NUP85: variants seen among roughly 807,000 people sequenced by gnomAD.
NUP85 encodes the protein nucleoporin 85, also known as nuclear pore complex protein Nup85.
A neutral mutation model predicts 92.8 loss-of-function variants in NUP85; 23 were observed. The observed-to-expected ratio is 0.25, with a 90% CI of 0.18 to 0.35. The LOEUF (loss-of-function observed/expected upper bound fraction) is 0.35. Ranked by LOEUF, NUP85 falls within the 10% of genes least tolerant of loss-of-function variation. The pLI, the probability that NUP85 is intolerant of heterozygous loss-of-function variation, is 1.00. For missense variants in NUP85, 759 were observed against 822.8 expected (o/e 0.92, Z 0.95); for synonymous variants, 314 against 306.9 (o/e 1.02, Z -0.24).
At chr17:75,220,981 A>T in intron 7 of NUP85, among the ~76,000 whole-genome samples, 1 of 143,030 alleles carries the variant, frequency 7.0e-6, no homozygotes. Flanking sequence ...TCCCGGGTTC[A>T]TGCCATTCTC....
In NUP85 at chr17:75,235,758, A is replaced by G. The variant is rs2076309520; in HGVS notation, c.*79A>G. The G allele has an allele frequency of 8.5e-6, 9 of 1,053,766 alleles. No homozygotes were observed. Among genetic ancestry groups the G allele is most frequent in the South Asian group, 6.9e-5 (5 of 72,090 alleles). The allele number at this position is 1,053,766 out of a possible 1,614,324, so 65.3% of individuals were successfully genotyped here. A position where few individuals can be genotyped will look rare whatever the true frequency, so the allele number is the denominator to read the frequency against. On this transcript the variant is annotated 3_prime_UTR_variant, in exon 19 of 19. Transcript: ENST00000245544. ...AGAATAAATGTTGTTTTGCAAATGT[A>G]GGTTCTTAGAGTCCACCCAGGGAAT...
At chr17:75,219,173 G>A (rs61133746) in intron 7 of NUP85, among the ~76,000 whole-genome samples, 19,546 of 151,786 alleles carry the variant, frequency 0.13, 1,489 homozygotes, top group Middle Eastern at 0.23. Context: ...CAGATTGTGA[G>A]GACAAAAAAA....
At chr17:75,234,865 T>A in intron 17 of NUP85, 77 bp downstream of exon 17, 4 of 1,555,386 alleles carry the variant, frequency 2.6e-6, no homozygotes, top group Non-Finnish European at 3.5e-6. Flanking sequence ...GTTGCCGATG[T>A]GCGTGTTTCC....
At chr17:75,210,787 T>C (rs1269680754) in intron 3 of NUP85, among the ~76,000 whole-genome samples, 2 of 152,072 alleles carry the variant, frequency 1.3e-5, no homozygotes, top group African/African-American at 2.4e-5. Flanking sequence ...CTGTAAGCTC[T>C]GCCTCCTGGA....
intron 5 of NUP85, among the ~76,000 whole-genome samples, chr17:75,214,829 CCTGA>C (rs1245826188): frequency 2.0e-5 from 3 of 147,928 alleles, no homozygotes; most frequent in Non-Finnish European, 3.0e-5. Flanking sequence ...TGCACTCCAG[CCTGA>C]CTGACAGAGT....
chr17:75,228,108 CAGTG>C (rs758491973), intron 11 of NUP85: 139 of 750,524 alleles, frequency 1.9e-4, no homozygotes, highest in Non-Finnish European at 2.1e-4. Context: ...TGTGTTATAA[CAGTG>C]AGTGAGTTTC....
rs1598261314 is a variant in NUP85 at position 75,208,634 on chromosome 17, T to C, written c.127+14T>C. Reference sequence around the variant, plus strand: ...TCAACAAAAAAGGTAGGGTTTTTTTTCTTCCAAATTATCCATCTTGGCACA... The same window carrying C: ...TCAACAAAAAAGGTAGGGTTTTTTTCCTTCCAAATTATCCATCTTGGCACA... On this transcript the variant is annotated intron_variant, in intron 2 of 18. Transcript: ENST00000245544. The C allele has an allele frequency of 6.9e-7, 1 of 1,441,436 alleles. No homozygotes were observed. 89.3% of individuals were successfully genotyped at this position (1,441,436 alleles called of 1,614,324 possible). A position where few individuals can be genotyped will look rare whatever the true frequency, so the allele number is the denominator to read the frequency against.
At position 75,226,080 on chromosome 17, in the gene NUP85, G is replaced by A; in HGVS notation, c.1017G>A (p.Glu339=). 6.2e-7 allele frequency: 1 copy of A among 1,614,118 alleles called. No homozygotes were observed. ...QSSLDLFLGG[E]SSPEPLDNIL... ...GCCTGGACCTGTTTCTGGGAGGTGA[G>A]AGCAGCCCAGAACCCCTGGACAACA... is the stretch of plus-strand genomic sequence containing the variant. The change falls in exon 11 of 19, where the codon GAG becomes GAA. Residue 339 remains glutamate (E), a synonymous_variant. Transcript: ENST00000245544.
In NUP85 at chr17:75,218,297, C is replaced by T; in HGVS notation, c.588C>T (p.Phe196=). The T allele has an allele frequency of 6.2e-7, 1 of 1,613,506 alleles. No individual in the cohort carries two copies. The highest frequency in any genetic ancestry group is 1.1e-5 in the South Asian group (1 of 91,068). ...AGAATCCAAGCAAACATGACAGCTT[C>T]TGGAACTTGGTAAGACAGGCCGGGC... ...GSENPSKHDS[F]WNLVTILVLQ... is the part of the protein sequence containing the mutation. The change falls in exon 7 of 19, where the codon TTC becomes TTT. Residue 196 remains phenylalanine (F), a synonymous_variant. Coordinates refer to ENST00000245544, the MANE Select transcript of NUP85 (RefSeq NM_024844.5).
intron 1 of NUP85, among the ~76,000 whole-genome samples, chr17:75,206,334 C>T (rs535503995): frequency 2.6e-5 from 4 of 152,222 alleles, no homozygotes; most frequent in African/African-American, 4.8e-5. Context: ...GAGATACCTA[C>T]CGTTTCTGCT....
chr17:75,206,913 T>C (rs1459274333), intron 1 of NUP85, among the ~76,000 whole-genome samples: 1 of 152,084 alleles, frequency 6.6e-6, no homozygotes, highest in East Asian at 1.9e-4. Flanking sequence ...TTCACCGTGT[T>C]GGCCAGGATG....
chr17:75,218,699 G>A (rs1413282005), intron 7 of NUP85, among the ~76,000 whole-genome samples: 1 of 141,806 alleles, frequency 7.1e-6, no homozygotes, highest in African/African-American at 2.6e-5. Flanking sequence ...GAGCCCAGGA[G>A]TTTGAGATTA....
At chr17:75,210,102 G>T in intron 3 of NUP85, 117 bp downstream of exon 3, 1 of 1,006,912 alleles carries the variant, frequency 9.9e-7, no homozygotes, top group South Asian at 1.6e-5. Flanking sequence ...GAGACTCCTG[G>T]TTCTAGTTGA....
intron 16 of NUP85, among the ~76,000 whole-genome samples, chr17:75,233,668 G>A (rs1022894411): frequency 6.6e-5 from 10 of 151,632 alleles, no homozygotes; most frequent in East Asian, 1.9e-4. Flanking sequence ...GCGTGATCTC[G>A]GCTCACTGCA....
In NUP85 at chr17:75,235,580, T is replaced by C. The variant is rs749029897; in HGVS notation, c.1872T>C (p.Asp624=). The change falls in exon 19 of 19, where the codon GAT becomes GAC. Residue 624 remains aspartate (D), a splice_region_variant and synonymous_variant. Transcript: ENST00000245544. The stretch of plus-strand genomic sequence containing the variant: ...TGCTGGCGCTCTCTGCTTTGCAGGA[T>C]GATGACATAGAGACCACCAAGGTGG... ...HGESDTEQLQ[D]DDIETTKVEM... is the part of the protein sequence containing the mutation. The C allele has an allele frequency of 6.2e-7, 1 of 1,612,470 alleles. No homozygotes were observed.
Position 75,232,945 on chromosome 17 carries a change from C to G in NUP85, c.1491C>G (p.Ala497=), listed in dbSNP as rs1351438496. Residue 497 remains alanine (A), a synonymous_variant, in exon 15 of 19, where the codon GCC becomes GCG. Coordinates refer to ENST00000245544, the MANE Select transcript of NUP85 (RefSeq NM_024844.5). Reference sequence around the variant, plus strand: ...GGAGCATCCGTGCTAAGGATGCCGCCTTTGCCACGCTCGTGTCAGACAGGT... The same window carrying G: ...GGAGCATCCGTGCTAAGGATGCCGCGTTTGCCACGCTCGTGTCAGACAGGT... ...LSWSIRAKDA[A]FATLVSDRFL... The G allele has an allele frequency of 1.9e-6, 3 of 1,614,116 alleles. No individual in the cohort carries two copies. The highest frequency in any genetic ancestry group is 2.5e-6 in the Non-Finnish European group (3 of 1,180,044).
In NUP85 at chr17:75,208,635, C is replaced by T. The variant is rs759565902; in HGVS notation, c.127+15C>T. On this transcript the variant is annotated intron_variant, in intron 2 of 18. Transcript: ENST00000245544. ...CAACAAAAAAGGTAGGGTTTTTTTT[C>T]TTCCAAATTATCCATCTTGGCACAT... The T allele has an allele frequency of 1.1e-5, 16 of 1,432,892 alleles. No individual in the cohort carries two copies. Among genetic ancestry groups the T allele is most frequent in the Non-Finnish European group, 1.6e-5 (16 of 1,017,758 alleles). The allele number at this position is 1,432,892 out of a possible 1,614,324, so 88.8% of individuals were successfully genotyped here.
intron 11 of NUP85, among the ~76,000 whole-genome samples, chr17:75,227,474 T>G (rs761969356): frequency 6.6e-6 from 1 of 151,870 alleles, no homozygotes; most frequent in African/African-American, 2.4e-5. Flanking sequence ...TAGCTGGGAT[T>G]ACAGGTGTCC....
chr17:75,208,458 A>G, intron 1 of NUP85, 69 bp from the exon 2 acceptor site: 3 of 895,046 alleles, frequency 3.4e-6, no homozygotes, highest in Non-Finnish European at 5.4e-6. Flanking sequence ...AAAAAAAAAA[A>G]AAAAGAATGG....
Sources: gnomAD v4.1 joint callset for allele counts (sites outside exome capture counted in the v4.1 genomes callset) on GRCh38, gnomAD v4.1.1 for gene constraint, MANE v1.5 for transcripts, NCBI Gene and HGNC (gene_info 2026-07-23, HGNC 2026-07-21) for gene names.